MSI2: variants seen among roughly 807,000 people sequenced by gnomAD.
MSI2 encodes RNA-binding protein Musashi homolog 2.
Under a neutral mutation model 45.6 loss-of-function variants are expected in MSI2, and 17 were observed. The ratio of observed to expected loss-of-function variants is 0.37; its 90% CI spans 0.26 to 0.56. The LOEUF (loss-of-function observed/expected upper bound fraction) is 0.56, where lower values mean the gene tolerates loss of function less well. Among genes scored for constraint, MSI2 ranks in the 20% least tolerant of loss-of-function variants. The pLI is 0.77. For synonymous variants in MSI2, 156 were observed against 158.2 expected, an observed-to-expected ratio of 0.99 and a Z score of 0.11; for missense variants, 293 against 444.2, an observed-to-expected ratio of 0.66 and a Z score of 3.06.
chr17:57,589,020 A>G (rs1276270501), intron 7 of MSI2, among the ~76,000 whole-genome samples: 1 of 152,132 alleles, frequency 6.6e-6, no homozygotes, highest in Non-Finnish European at 1.5e-5. Flanking sequence ...TCTTTTTAAC[A>G]TTATTATTAG....
chr17:57,411,474 T>C (rs1192234600), intron 6 of MSI2, among the ~76,000 whole-genome samples: 1 of 152,218 alleles, frequency 6.6e-6, no homozygotes, highest in Non-Finnish European at 1.5e-5. Flanking sequence ...ATCTTTTACC[T>C]TGTAATTGTC....
At chr17:57,528,669 G>C (rs2086755525) in intron 6 of MSI2, among the ~76,000 whole-genome samples, 1 of 152,186 alleles carries the variant, frequency 6.6e-6, no homozygotes, top group Non-Finnish European at 1.5e-5. Context: ...TTGGCTTGCA[G>C]TCTTCTCCCT....
At chr17:57,446,601 A>T (rs2084904823) in intron 6 of MSI2, among the ~76,000 whole-genome samples, 1 of 152,206 alleles carries the variant, frequency 6.6e-6, no homozygotes, top group Non-Finnish European at 1.5e-5. Flanking sequence ...GAGGGACACC[A>T]GTTGGAGAAA....
At chr17:57,515,878 C>T (rs960041431) in intron 6 of MSI2, among the ~76,000 whole-genome samples, 2 of 152,038 alleles carry the variant, frequency 1.3e-5, no homozygotes, top group African/African-American at 2.4e-5. Flanking sequence ...AATCATGAGC[C>T]CCCTTGTGGT....
At chr17:57,476,917 C>T (rs1480937168) in intron 6 of MSI2, among the ~76,000 whole-genome samples, 2 of 152,116 alleles carry the variant, frequency 1.3e-5, no homozygotes, top group African/African-American at 4.8e-5. Context: ...CCTGTCTGTT[C>T]TCACTCTCTT....
intron 6 of MSI2, among the ~76,000 whole-genome samples, chr17:57,420,172 C>A (rs1199650145): frequency 2.0e-5 from 3 of 152,196 alleles, no homozygotes; most frequent in Non-Finnish European, 4.4e-5. Flanking sequence ...GGGTCCAGGA[C>A]GCAGGTGATT....
chr17:57,478,203 C>T (rs1187406379), intron 6 of MSI2, among the ~76,000 whole-genome samples: 1 of 152,214 alleles, frequency 6.6e-6, no homozygotes, highest in African/African-American at 2.4e-5. Flanking sequence ...CATCCAGAGG[C>T]CCCCTCTTTA....
chr17:57,339,196 G>T (rs528984728), intron 5 of MSI2, among the ~76,000 whole-genome samples: 2 of 152,292 alleles, frequency 1.3e-5, no homozygotes. Flanking sequence ...CAAGCAGCCC[G>T]CGAGGCACCA....
intron 7 of MSI2, among the ~76,000 whole-genome samples, chr17:57,573,882 A>AGG (rs2087944354): frequency 6.6e-6 from 1 of 152,178 alleles, no homozygotes; most frequent in Admixed American, 6.5e-5. Flanking sequence ...ACTTGCCTTG[A>AGG]GGGCGAGGGC....
At chr17:57,297,347 T>C (rs1008980154) in intron 5 of MSI2, among the ~76,000 whole-genome samples, 1 of 152,202 alleles carries the variant, frequency 6.6e-6, no homozygotes, top group African/African-American at 2.4e-5. Flanking sequence ...TCTTAGTGCA[T>C]ATAAATGTTA....
intron 4 of MSI2, among the ~76,000 whole-genome samples, chr17:57,259,582 C>T (rs1002778297): frequency 7.2e-5 from 11 of 152,250 alleles, no homozygotes; most frequent in Admixed American, 3.3e-4. Flanking sequence ...AACCCACCTA[C>T]ACTCTTAGTT....
intron 6 of MSI2, among the ~76,000 whole-genome samples, chr17:57,409,194 C>G (rs2084141797): frequency 6.6e-6 from 1 of 152,200 alleles, no homozygotes; most frequent in Admixed American, 6.5e-5. Flanking sequence ...CTGACTGTTG[C>G]TAACCTCACC....
chr17:57,507,225 C>CTGTGTGTGTG (rs71140002), intron 6 of MSI2, among the ~76,000 whole-genome samples: 47 of 51,232 alleles, frequency 9.2e-4, no homozygotes, highest in East Asian at 6.3e-3. Context: ...CTTTGTCTCT[C>CTGTGTGTGTG]TGTGTGTGTG....
intron 6 of MSI2, among the ~76,000 whole-genome samples, chr17:57,500,276 G>C (rs2086073881): frequency 6.6e-6 from 1 of 152,158 alleles, no homozygotes; most frequent in Non-Finnish European, 1.5e-5. Context: ...CCTGAGGGAT[G>C]TGAGAAAAGG....
At chr17:57,275,288 C>CT in intron 5 of MSI2, among the ~76,000 whole-genome samples, 1 of 152,198 alleles carries the variant, frequency 6.6e-6, no homozygotes, top group South Asian at 2.1e-4. Flanking sequence ...TTGGTAGGAA[C>CT]TGGGAGCACA....
At chr17:57,460,894 G>T (rs78222125) in intron 6 of MSI2, among the ~76,000 whole-genome samples, 5 of 152,048 alleles carry the variant, frequency 3.3e-5, no homozygotes, top group Admixed American at 2.6e-4. Flanking sequence ...CATTTCTTCC[G>T]GCCAAAGGAG....
intron 6 of MSI2, among the ~76,000 whole-genome samples, chr17:57,524,100 C>T (rs2086649640): frequency 6.6e-6 from 1 of 152,236 alleles, no homozygotes; most frequent in African/African-American, 2.4e-5. Context: ...GTTGGCCCTG[C>T]TCCATGTGCC....
chr17:57,288,097 G>C (rs1385592972), intron 5 of MSI2, among the ~76,000 whole-genome samples: 1 of 152,202 alleles, frequency 6.6e-6, no homozygotes, highest in Non-Finnish European at 1.5e-5. Flanking sequence ...AGACAGTTCT[G>C]GGATTGAATC....
intron 6 of MSI2, among the ~76,000 whole-genome samples, chr17:57,411,406 A>G (rs980836944): frequency 6.6e-6 from 1 of 152,262 alleles, no homozygotes; most frequent in South Asian, 2.1e-4. Context: ...TTTCCATTCA[A>G]CTAAGTTGGT....
Sources: allele counts gnomAD v4.1 joint callset (sites outside exome capture counted in the v4.1 genomes callset), GRCh38; gene constraint gnomAD v4.1.1; transcripts MANE v1.5; gene names NCBI Gene and HGNC (gene_info 2026-07-23, HGNC 2026-07-21).